NET1: variants seen among roughly 807,000 people sequenced by gnomAD.
NET1 encodes the protein neuroepithelial cell transforming 1.
Under a neutral mutation model 61.1 loss-of-function variants are expected in NET1, and 42 were observed. The observed-to-expected ratio is 0.69, with a 90% CI of 0.54 to 0.89. NET1 has a LOEUF of 0.89. Among genes scored for constraint, NET1 ranks in the 40% least tolerant of loss-of-function variants. The probability of loss-of-function intolerance (pLI) is 0.00; values close to 1 mark genes in which losing one functional copy is unlikely to be tolerated. For synonymous variants in NET1, 254 were observed against 281.8 expected (o/e 0.90, Z 0.99); for missense variants, 654 against 747.3 (o/e 0.88, Z 1.46).
In NET1 at chr10:5,443,151, T is replaced by C. The variant is rs117094668; in HGVS notation, c.256-8679T>C. Among the ~76,000 whole-genome samples the C allele has an allele frequency of 8.4e-3, 1,278 of 152,292 alleles. 14 individuals are homozygous for C. The highest frequency in any genetic ancestry group is 0.014 in the Non-Finnish European group (963 of 68,000). On this transcript the variant is annotated intron_variant, in intron 3 of 11. Transcript: ENST00000355029. This position sits in a 1 kb window ranked among gnomAD's most constrained non-coding sequence, Gnocchi z 4.8. ...TGAGCACCTAGTGTGTCTCAGAACATGTGCTAAAGGTTTTATATGGGTTAT... is the reference window on the plus strand; with the variant it reads ...TGAGCACCTAGTGTGTCTCAGAACACGTGCTAAAGGTTTTATATGGGTTAT...
rs11253184 is a variant in NET1 at position 5,451,513 on chromosome 10, A to T, written c.256-317A>T. ...TTCATAACAATAAGGCTTTTTTTTA[A>T]AAAAAAAAAAAGTTATTCCCTGCAT... On this transcript the variant is annotated intron_variant, in intron 3 of 11. Coordinates refer to ENST00000355029, the MANE Select transcript of NET1 (RefSeq NM_001047160.3). This position sits in a 1 kb window ranked among gnomAD's most constrained non-coding sequence, Gnocchi z 6.1. Among the ~76,000 whole-genome samples the T allele has an allele frequency of 2.8e-3, 368 of 131,772 alleles. No homozygotes were observed. The highest frequency in any genetic ancestry group is 9.0e-3 in the African/African-American group (320 of 35,744). 86.4% of individuals were successfully genotyped at this position (131,772 alleles called of 152,430 possible).
chr10:5,455,576 G>T lies in NET1; in HGVS notation c.1197+458G>T, dbSNP rs1286133732. ...AGTGCAGTCACGGAATGGTATTTTTGTTTCATCATGCATTTTCAAAAGCCC... is the reference window on the plus strand; with the variant it reads ...AGTGCAGTCACGGAATGGTATTTTTTTTTCATCATGCATTTTCAAAAGCCC... On this transcript the variant is annotated intron_variant, in intron 10 of 11. Coordinates refer to ENST00000355029, the MANE Select transcript of NET1 (RefSeq NM_001047160.3). This position sits in a 1 kb window ranked among gnomAD's most constrained non-coding sequence, Gnocchi z 6.5. Among the ~76,000 whole-genome samples, 1 of 152,094 alleles carries T rather than the reference G, an allele frequency of 6.6e-6. No homozygotes were observed.
At position 5,457,160 on chromosome 10, in the gene NET1, C is replaced by A; in HGVS notation, c.*166C>A. 2.1e-6 allele frequency: 1 copy of A among 482,828 alleles called. No individual in the cohort carries two copies. The allele number at this position is 482,828 out of a possible 1,614,324, so 29.9% of individuals were successfully genotyped here. ...TTTTTTAATGGCAGCTAAAGATATA[C>A]AGATTACTGTTAAATTGCAGTCCTT... On this transcript the variant is annotated 3_prime_UTR_variant, in exon 12 of 12. Transcript: ENST00000355029. The surrounding 1 kb of genome is among the most constrained non-coding windows in gnomAD (Gnocchi z 5.4).
At position 5,456,758 on chromosome 10, in the gene NET1, C is replaced by T. The variant is rs1157668334; in HGVS notation, c.1555C>T (p.His519Tyr). 6.2e-7 allele frequency: 1 copy of T among 1,613,872 alleles called. No homozygotes were observed. Among genetic ancestry groups the T allele is most frequent in the Middle Eastern group, 1.6e-4 (1 of 6,062 alleles). ...PPELQGLPEL[H>Y]EECEGNHPSA... ...TGAGCTGCAGGGCCTGCCGGAGCTG[C>T]ACGAAGAGTGTGAGGGGAACCACCC... The change falls in exon 12 of 12, where the codon CAC (histidine) becomes TAC (tyrosine). Residue 519 changes from histidine (H) to tyrosine (Y), a missense_variant. Transcript: ENST00000355029. This position sits in a 1 kb window ranked among gnomAD's most constrained non-coding sequence, Gnocchi z 7.0.
chr10:5,448,346 ATACTT>A (rs1832650658), intron 3 of NET1, among the ~76,000 whole-genome samples: 1 of 152,216 alleles, frequency 6.6e-6, no homozygotes. Flanking sequence ...AACCTGAAAA[ATACTT>A]TAACTTATTC....
In NET1 at chr10:5,453,912, C is replaced by T. The variant is rs969973937; in HGVS notation, c.768+352C>T. 2.0e-5 allele frequency among the ~76,000 whole-genome samples: 3 copies of T among 152,122 alleles called. No individual in the cohort carries two copies. The highest frequency in any genetic ancestry group is 1.9e-4 in the East Asian group (1 of 5,180). ...CTGGGAGTCAGTGATGAAAGGCAGT[C>T]TCTGCCTTTATAGCCTAGTGAAGGA... On this transcript the variant is annotated intron_variant, in intron 8 of 11. Coordinates refer to ENST00000355029, the MANE Select transcript of NET1 (RefSeq NM_001047160.3). The surrounding 1 kb of genome is among the most constrained non-coding windows in gnomAD (Gnocchi z 4.9).
chr10:5,443,336 T>G lies in NET1; in HGVS notation c.256-8494T>G, dbSNP rs909570076. 6.6e-6 allele frequency among the ~76,000 whole-genome samples: 1 copy of G among 152,236 alleles called. No homozygotes were observed. The highest frequency in any genetic ancestry group is 1.5e-5 in the Non-Finnish European group (1 of 68,048). ...ATAATAAGTACTTCATAGAGTTGAT[T>G]AAGATAACATGTATAAAGCTCTAGC... On this transcript the variant is annotated intron_variant, in intron 3 of 11. Coordinates refer to ENST00000355029, the MANE Select transcript of NET1 (RefSeq NM_001047160.3). The surrounding 1 kb of genome is among the most constrained non-coding windows in gnomAD (Gnocchi z 4.8).
At position 5,455,150 on chromosome 10, in the gene NET1, C is replaced by A. The variant is rs1341476425; in HGVS notation, c.1197+32C>A. 6.2e-7 allele frequency: 1 copy of A among 1,602,396 alleles called. No individual in the cohort carries two copies. Among genetic ancestry groups the A allele is most frequent in the African/African-American group, 1.3e-5 (1 of 74,652 alleles). On this transcript the variant is annotated intron_variant, in intron 10 of 11. Coordinates refer to ENST00000355029, the MANE Select transcript of NET1 (RefSeq NM_001047160.3). The surrounding 1 kb of genome is among the most constrained non-coding windows in gnomAD (Gnocchi z 6.5). ...GACTTTTGCTGCCGTGGCAGAGCAG[C>A]CTTCCCTCCTGCCTCTTTAACTTTT...
chr10:5,415,576 A>G lies in NET1; in HGVS notation c.128+2756A>G, dbSNP rs1832069122. Reference sequence around the variant, plus strand: ...TGCCTCAGCCTACCAAGTAGCTGGAACTACAGGCATGTGTCACCACGTGTG... The same window carrying G: ...TGCCTCAGCCTACCAAGTAGCTGGAGCTACAGGCATGTGTCACCACGTGTG... On this transcript the variant is annotated intron_variant, in intron 1 of 11. Transcript: ENST00000355029. The surrounding 1 kb of genome is among the most constrained non-coding windows in gnomAD (Gnocchi z 4.7). Among the ~76,000 whole-genome samples, 1 of 152,056 alleles carries G rather than the reference A, an allele frequency of 6.6e-6. No homozygotes were observed. Among genetic ancestry groups the G allele is most frequent in the East Asian group, 1.9e-4 (1 of 5,192 alleles).
Position 5,424,507 on chromosome 10 carries a change from T to G in NET1, c.129-2148T>G, listed in dbSNP as rs949485060. ...TTTGTTTAAATACTTTGTTCCAGGG[T>G]TTTCTCAAGAAAAAAATACCATTTT... On this transcript the variant is annotated intron_variant, in intron 1 of 11. Transcript: ENST00000355029. This position sits in a 1 kb window ranked among gnomAD's most constrained non-coding sequence, Gnocchi z 6.1. Among the ~76,000 whole-genome samples, 1 of 152,118 alleles carries G rather than the reference T, an allele frequency of 6.6e-6. No individual in the cohort carries two copies.
rs1832718059 is a variant in NET1, at chr10:5,452,325, A to G, written c.364-33A>G. On this transcript the variant is annotated intron_variant, in intron 4 of 11. Coordinates refer to ENST00000355029, the MANE Select transcript of NET1 (RefSeq NM_001047160.3). This position sits in a 1 kb window ranked among gnomAD's most constrained non-coding sequence, Gnocchi z 4.0. The stretch of plus-strand genomic sequence containing the variant: ...AATAATTCTATTTCTTCCAAATCTT[A>G]TTTTCTCTTTTGTTCACCTTTTCTT... 3 of 1,498,760 alleles carry G rather than the reference A, an allele frequency of 2.0e-6. No homozygotes were observed. Among genetic ancestry groups the G allele is most frequent in the Non-Finnish European group, 2.7e-6 (3 of 1,116,836 alleles). 92.8% of individuals were successfully genotyped at this position (1,498,760 alleles called of 1,614,324 possible). A position where few individuals can be genotyped will look rare whatever the true frequency, so the allele number is the denominator to read the frequency against.
At chr10:5,419,634 A>T (rs4376814) in intron 1 of NET1, among the ~76,000 whole-genome samples, 148,696 of 152,276 alleles carry the variant, frequency 0.98, 72,699 homozygotes, top group East Asian at 1. Context: ...GCTTTCAGCC[A>T]GAAATTCTTA....
chr10:5,456,516 G>A lies in NET1; in HGVS notation c.1385-72G>A. ...ATAAATTGACAGTCACGTTAAGATT[G>A]TATGACCACTTTGTCTAGAATAAAC... On this transcript the variant is annotated intron_variant, in intron 11 of 11. Transcript: ENST00000355029. The surrounding 1 kb of genome is among the most constrained non-coding windows in gnomAD (Gnocchi z 7.0). 3 of 1,406,418 alleles carry A rather than the reference G, an allele frequency of 2.1e-6. No homozygotes were observed. Among genetic ancestry groups the A allele is most frequent in the South Asian group, 1.4e-5 (1 of 70,988 alleles). 87.1% of individuals were successfully genotyped at this position (1,406,418 alleles called of 1,614,324 possible).
chr10:5,453,703 C>A lies in NET1; in HGVS notation c.768+143C>A. 4.9e-6 allele frequency: 3 copies of A among 613,294 alleles called. No homozygotes were observed. The highest frequency in any genetic ancestry group is 2.9e-6 in the Non-Finnish European group (1 of 348,590). The allele number at this position is 613,294 out of a possible 1,614,324, so 38.0% of individuals were successfully genotyped here. On this transcript the variant is annotated intron_variant, in intron 8 of 11. Coordinates refer to ENST00000355029, the MANE Select transcript of NET1 (RefSeq NM_001047160.3). The surrounding 1 kb of genome is among the most constrained non-coding windows in gnomAD (Gnocchi z 4.9). ...TTAAAACTGAACAAATTTACAGTGA[C>A]ATAAGAAGTTACAGTCTGTTTAAAA...
Position 5,427,549 on chromosome 10 carries a change from C to T in NET1, c.195+828C>T, listed in dbSNP as rs561103285. Among the ~76,000 whole-genome samples the T allele has an allele frequency of 4.6e-5, 7 of 152,266 alleles. No homozygotes were observed. The highest frequency in any genetic ancestry group is 1.3e-4 in the Admixed American group (2 of 15,296). On this transcript the variant is annotated intron_variant, in intron 2 of 11. Coordinates refer to ENST00000355029, the MANE Select transcript of NET1 (RefSeq NM_001047160.3). This position sits in a 1 kb window ranked among gnomAD's most constrained non-coding sequence, Gnocchi z 4.1. Reference sequence around the variant, plus strand: ...ACACAAAGAGGCTCACAGATAAATACACAAGCAGGATTTATGGTTAGTTGG... The same window carrying T: ...ACACAAAGAGGCTCACAGATAAATATACAAGCAGGATTTATGGTTAGTTGG...
At position 5,446,583 on chromosome 10, in the gene NET1, G is replaced by A. The variant is rs1832613067; in HGVS notation, c.256-5247G>A. 1 of 1,190,316 alleles carries A rather than the reference G, an allele frequency of 8.4e-7. No individual in the cohort carries two copies. The highest frequency in any genetic ancestry group is 3.5e-5 in the East Asian group (1 of 28,322). The allele number at this position is 1,190,316 out of a possible 1,614,324, so 73.7% of individuals were successfully genotyped here. On this transcript the variant is annotated intron_variant, in intron 3 of 11. Coordinates refer to ENST00000355029, the MANE Select transcript of NET1 (RefSeq NM_001047160.3). This position sits in a 1 kb window ranked among gnomAD's most constrained non-coding sequence, Gnocchi z 5.0. Reference sequence around the variant, plus strand: ...TGTGGCCCCGCCCCCGAGCCCTGGGGTCGGTGCTTGCTGCCTGCGGCTCTC... The same window carrying A: ...TGTGGCCCCGCCCCCGAGCCCTGGGATCGGTGCTTGCTGCCTGCGGCTCTC...
At position 5,449,035 on chromosome 10, in the gene NET1, C is replaced by T. The variant is rs554676905; in HGVS notation, c.256-2795C>T. Among the ~76,000 whole-genome samples, 3 of 152,204 alleles carry T rather than the reference C, an allele frequency of 2.0e-5. No individual in the cohort carries two copies. Among genetic ancestry groups the T allele is most frequent in the South Asian group, 2.1e-4 (1 of 4,810 alleles). On this transcript the variant is annotated intron_variant, in intron 3 of 11. Coordinates refer to ENST00000355029, the MANE Select transcript of NET1 (RefSeq NM_001047160.3). The surrounding 1 kb of genome is among the most constrained non-coding windows in gnomAD (Gnocchi z 4.4). The stretch of plus-strand genomic sequence containing the variant: ...ATGGGCCAATTTCTGACGTGTATTC[C>T]GAAAGACACAAATTTTTGTCCCAAT...
At position 5,431,478 on chromosome 10, in the gene NET1, C is replaced by T. The variant is rs959842615; in HGVS notation, c.255+2249C>T. Among the ~76,000 whole-genome samples the T allele has an allele frequency of 6.6e-6, 1 of 151,678 alleles. No homozygotes were observed. Among genetic ancestry groups the T allele is most frequent in the African/African-American group, 2.4e-5 (1 of 41,258 alleles). ...AAAATGGATGCTCATTGCCTACATG[C>T]ATTTTTTTCTTGGTGGTTGCAAAGT... On this transcript the variant is annotated intron_variant, in intron 3 of 11. Coordinates refer to ENST00000355029, the MANE Select transcript of NET1 (RefSeq NM_001047160.3). The surrounding 1 kb of genome is among the most constrained non-coding windows in gnomAD (Gnocchi z 4.9).
rs370551888 is a variant in NET1 at position 5,454,917 on chromosome 10, C to T, written c.1027-31C>T. 2.6e-5 allele frequency: 42 copies of T among 1,603,060 alleles called. No homozygotes were observed. In the African/African-American group the frequency reaches 4.0e-4, roughly 15 times the overall value. On this transcript the variant is annotated intron_variant, in intron 9 of 11. Transcript: ENST00000355029. This position sits in a 1 kb window ranked among gnomAD's most constrained non-coding sequence, Gnocchi z 8.1. ...AGCAGAATGAGTTAATAAACTGAAGCTGCTCTGTCAATTTTATTTATCATT... is the reference window on the plus strand; with the variant it reads ...AGCAGAATGAGTTAATAAACTGAAGTTGCTCTGTCAATTTTATTTATCATT...
Sources: gnomAD v4.1 joint callset for allele counts (sites outside exome capture counted in the v4.1 genomes callset) on GRCh38, gnomAD v4.1.1 for gene constraint, Gnocchi (gnomAD v3.1) non-coding constraint, MANE v1.5 for transcripts, NCBI Gene and HGNC (gene_info 2026-07-23, HGNC 2026-07-21) for gene names.